SASH1: variants seen among roughly 807,000 people sequenced by gnomAD.
SASH1 encodes SAM and SH3 domain containing 1.
SASH1 carries 44 observed loss-of-function variants against 125.2 expected under a neutral mutation model. The observed-to-expected ratio is 0.35, with a 90% CI of 0.28 to 0.45. The LOEUF is 0.45. SASH1 is among the 20% of genes least tolerant of loss of function. The pLI is 1.00. For synonymous variants in SASH1, 639 were observed against 649.1 expected (o/e 0.98, Z 0.24); for missense variants, 1,426 against 1,614.5 (o/e 0.88, Z 2.00).
intron 1 of SASH1, among the ~76,000 whole-genome samples, chr6:148,296,261 G>A (rs1377795925): frequency 6.6e-6 from 1 of 152,072 alleles, no homozygotes; most frequent in East Asian, 1.9e-4. Flanking sequence ...GAGTAGCTGG[G>A]ATTACAGGAG....
intron 1 of SASH1, among the ~76,000 whole-genome samples, chr6:148,312,362 G>A (rs1780353702): frequency 6.6e-6 from 1 of 152,162 alleles, no homozygotes; most frequent in Non-Finnish European, 1.5e-5. Flanking sequence ...CATGAAGGTG[G>A]TCAGGCGTGG....
At chr6:148,306,071 C>T (rs1176494851) in intron 1 of SASH1, among the ~76,000 whole-genome samples, 1 of 152,056 alleles carries the variant, frequency 6.6e-6, no homozygotes, top group African/African-American at 2.4e-5. Context: ...AAAATTAAAA[C>T]AATTTTAAAA....
chr6:148,338,198 G>A (rs901134501), upstream of SASH1, among the ~76,000 whole-genome samples: 1 of 152,138 alleles, frequency 6.6e-6, no homozygotes, highest in Non-Finnish European at 1.5e-5. Context: ...CAAGGTGGGC[G>A]GATCACTCGA....
At chr6:148,281,021 G>GC (rs1367701624) in intron 1 of SASH1, among the ~76,000 whole-genome samples, 2 of 150,412 alleles carry the variant, frequency 1.3e-5, no homozygotes, top group African/African-American at 4.9e-5. Flanking sequence ...TTGGCTCACT[G>GC]AACCTCCACC....
At position 148,519,758 on chromosome 6, in the gene SASH1, G is replaced by C. The variant is rs1780688389; in HGVS notation, c.1074G>C (p.Glu358Asp). ...RKLVKTFSKG[E>D]SRGLIKPPKK... is the part of the protein sequence containing the mutation. ...TGGTCAAAACCTTCAGCAAAGGAGAGAGCCGGGGCCTGATTAAGCCCCCCA... is the reference window on the plus strand; with the variant it reads ...TGGTCAAAACCTTCAGCAAAGGAGACAGCCGGGGCCTGATTAAGCCCCCCA... The change falls in exon 10 of 20, where the codon GAG becomes GAC. Residue 358 changes from glutamate (E) to aspartate (D), a missense_variant. Physicochemically the swap from Glu to Asp is conservative, Grantham distance 45. Around this residue, in one of 3 missense-constraint regions of SASH1, gnomAD observed 567 missense variants for 575.6 expected, o/e 0.99. Coordinates refer to ENST00000367467, the MANE Select transcript of SASH1 (RefSeq NM_015278.5). This position sits in a 1 kb window ranked among gnomAD's most constrained non-coding sequence, Gnocchi z 4.8. The C allele has an allele frequency of 4.3e-6, 7 of 1,614,096 alleles. No homozygotes were observed. In the East Asian group the frequency reaches 1.6e-4, roughly 36 times the overall value.
In SASH1 at chr6:148,360,134, T is replaced by TGGAGG. The variant is rs547493070; in HGVS notation, c.156+16911_156+16912insGGAGG. Among the ~76,000 whole-genome samples the TGGAGG allele has an allele frequency of 1.6e-4, 25 of 152,252 alleles. No individual in the cohort carries two copies. The East Asian group carries it at 4.8e-3, about 30-fold the overall frequency. On this transcript the variant is annotated intron_variant, in intron 1 of 19. Coordinates refer to ENST00000367467, the MANE Select transcript of SASH1 (RefSeq NM_015278.5). Reference sequence around the variant, plus strand: ...ACCTGCTTCTTTGGAGGACTTCCTTTACTGATTCCTACATGGCTCTGCATT... The same window carrying TGGAGG: ...ACCTGCTTCTTTGGAGGACTTCCTTTGGAGGACTGATTCCTACATGGCTCTGCATT...
intron 1 of SASH1, among the ~76,000 whole-genome samples, chr6:148,352,416 G>A (rs1390827138): frequency 6.6e-6 from 1 of 152,004 alleles, no homozygotes; most frequent in Non-Finnish European, 1.5e-5. Context: ...GGCCAACATA[G>A]TGAAACCCCA....
chr6:148,456,806 A>G (rs1056506284), intron 4 of SASH1, among the ~76,000 whole-genome samples: 1 of 151,674 alleles, frequency 6.6e-6, no homozygotes, highest in Non-Finnish European at 1.5e-5. Context: ...TTGTGGCTGC[A>G]GTGAGCTATA....
At chr6:148,475,543 C>A (rs1162793271) in intron 7 of SASH1, among the ~76,000 whole-genome samples, 1 of 152,160 alleles carries the variant, frequency 6.6e-6, no homozygotes, top group Non-Finnish European at 1.5e-5. Flanking sequence ...ACCCTATCAC[C>A]TCCCAAAGTT....
chr6:148,378,369 T>C (rs903079313), intron 1 of SASH1, among the ~76,000 whole-genome samples: 8 of 151,632 alleles, frequency 5.3e-5, no homozygotes, highest in African/African-American at 1.9e-4. Context: ...TTTTTTTTTT[T>C]TTTGAGACAG....
the SASH1 span, among the ~76,000 whole-genome samples, chr6:148,228,025 G>A: frequency 6.6e-6 from 1 of 152,156 alleles, no homozygotes; most frequent in African/African-American, 2.4e-5. Context: ...TCAAGTGCAA[G>A]AAACATTACA....
At chr6:148,328,573 A>C (rs911491740) in intron 1 of SASH1, among the ~76,000 whole-genome samples, 2 of 151,332 alleles carry the variant, frequency 1.3e-5, no homozygotes, top group East Asian at 3.9e-4. Flanking sequence ...AGCCTGGGTG[A>C]CAGAGCAAGA....
intron 4 of SASH1, among the ~76,000 whole-genome samples, chr6:148,452,512 G>A (rs1367810335): frequency 6.6e-6 from 1 of 152,236 alleles, no homozygotes; most frequent in Non-Finnish European, 1.5e-5. Flanking sequence ...AGGCTCTGGA[G>A]CTGGACAGAA....
intron 11 of SASH1, among the ~76,000 whole-genome samples, chr6:148,525,705 G>GTAAC (rs1380937210): frequency 1.2e-4 from 18 of 151,168 alleles, no homozygotes; most frequent in Non-Finnish European, 1.5e-4. Flanking sequence ...TTGCAAGCAT[G>GTAAC]TAACTACTAC....
intron 1 of SASH1, among the ~76,000 whole-genome samples, chr6:148,316,540 T>C (rs1780484243): frequency 6.6e-6 from 1 of 152,244 alleles, no homozygotes; most frequent in South Asian, 2.1e-4. Flanking sequence ...CCCAGATTAA[T>C]TGGCTTGCCC....
At chr6:148,467,088 CTTTTTTTTT>C (rs71004298) in intron 4 of SASH1, among the ~76,000 whole-genome samples, 57 of 69,962 alleles carry the variant, frequency 8.1e-4, no homozygotes, top group African/African-American at 2.5e-3. Flanking sequence ...TTCCCTGTTC[CTTTTTTTTT>C]TTTTTTTTTT....
intron 2 of SASH1, among the ~76,000 whole-genome samples, chr6:148,412,320 G>A (rs1784660824): frequency 6.6e-6 from 1 of 152,028 alleles, no homozygotes; most frequent in Admixed American, 6.5e-5. Context: ...CCTGGTAATA[G>A]TAGCAGGTAT....
At chr6:148,440,141 C>T in intron 2 of SASH1, 43 bp from the exon 3 acceptor site, 1 of 1,591,766 alleles carries the variant, frequency 6.3e-7, no homozygotes, top group Non-Finnish European at 8.6e-7. Context: ...TCGCGTGTGA[C>T]ATGTTTGGAA....
chr6:148,428,041 A>G lies in SASH1; in HGVS notation c.286-12143A>G, dbSNP rs548097297. 3.3e-4 allele frequency among the ~76,000 whole-genome samples: 51 copies of G among 152,280 alleles called. No homozygotes were observed. In the South Asian group the frequency reaches 0.01, roughly 31 times the overall value. On this transcript the variant is annotated intron_variant, in intron 2 of 19. Transcript: ENST00000367467. ...GAAATTTTTACTCAGAGAAAGAGCC[A>G]TTTTCCTATGGCTACCTTAAGACAT...
Sources: gnomAD v4.1 joint callset for allele counts (sites outside exome capture counted in the v4.1 genomes callset) on GRCh38, gnomAD v4.1.1 for gene constraint, gnomAD v4.1.1 regional missense constraint, Gnocchi (gnomAD v3.1) non-coding constraint, MANE v1.5 for transcripts, NCBI Gene and HGNC (gene_info 2026-07-23, HGNC 2026-07-21) for gene names.